ITGA8: variants seen among roughly 807,000 people sequenced by gnomAD.
ITGA8 encodes the protein integrin subunit alpha 8.
In ITGA8, 91 loss-of-function variants were observed where a neutral mutation model predicts 142.3. That is an observed-to-expected ratio of 0.64 (90% CI 0.54 to 0.76). The LOEUF is 0.76. Ranked by LOEUF, ITGA8 falls within the 30% of genes least tolerant of loss-of-function variation. ITGA8 has a pLI of 0.00. For synonymous variants in ITGA8, 505 were observed against 485.2 expected, an observed-to-expected ratio of 1.04 and a Z score of -0.54; for missense variants, 1,406 against 1,327.7, an observed-to-expected ratio of 1.06 and a Z score of -0.92.
rs1564389115 is a variant in ITGA8, at chr10:15,644,492, AGAAT to A, written c.1208-275_1208-272del. 2.4e-3 allele frequency among the ~76,000 whole-genome samples: 22 copies of A among 9,060 alleles called. 1 individual carries two copies. Among genetic ancestry groups the A allele is most frequent in the South Asian group, 0.01 (1 of 98 alleles). 5.9% of individuals were successfully genotyped at this position (9,060 alleles called of 152,430 possible). A position where few individuals can be genotyped will look rare whatever the true frequency, so the allele number is the denominator to read the frequency against. ...TATATATATATATATATATATATAT[AGAAT>A]TTTTTTTTTTTTTTGAGCAATGGGT... On this transcript the variant is annotated intron_variant, in intron 12 of 29. Transcript: ENST00000378076.
chr10:15,533,374 C>T (rs1179542537), intron 27 of ITGA8, among the ~76,000 whole-genome samples: 1 of 152,114 alleles, frequency 6.6e-6, no homozygotes, highest in Non-Finnish European at 1.5e-5. Flanking sequence ...TTAGCATTTC[C>T]ATTTTAACTA....
rs1833194308 is a variant in ITGA8 at position 15,606,306 on chromosome 10, T to C, written c.1881A>G (p.Arg627=). The C allele has an allele frequency of 1.9e-6, 3 of 1,609,856 alleles. No individual in the cohort carries two copies. The African/African-American group carries it at 4.0e-5, about 21-fold the overall frequency. Residue 627 remains arginine (R), a synonymous_variant, in exon 18 of 30, where the codon AGA becomes AGG. Transcript: ENST00000378076. ...TTACCTGTTCACTAACAATGTTTTC[T>C]CTGTAGTAGTTCAATATTGGTTTCA... is the stretch of plus-strand genomic sequence containing the variant. ...LEVKPILNYY[R]ENIVSEQAHI... is the part of the protein sequence containing the mutation.
intron 28 of ITGA8, among the ~76,000 whole-genome samples, chr10:15,526,605 T>C (rs1564336111): frequency 6.6e-6 from 1 of 152,228 alleles, no homozygotes; most frequent in Non-Finnish European, 1.5e-5. Flanking sequence ...AGAAGTTTCA[T>C]GTTGAGTAAC....
chr10:15,575,933 G>C (rs998995587), intron 23 of ITGA8, among the ~76,000 whole-genome samples: 2 of 139,670 alleles, frequency 1.4e-5, no homozygotes, highest in African/African-American at 5.3e-5. Context: ...TATTTCACAT[G>C]TGAGAACGTG....
chr10:15,614,177 G>T (rs1441277855), intron 14 of ITGA8, among the ~76,000 whole-genome samples: 2 of 152,234 alleles, frequency 1.3e-5, no homozygotes, highest in Non-Finnish European at 2.9e-5. Context: ...CTTGAAGTTT[G>T]CAACTTTTCA....
chr10:15,658,834 T>A (rs147231248), intron 10 of ITGA8, among the ~76,000 whole-genome samples, 165 bp downstream of exon 10: 85 of 152,154 alleles, frequency 5.6e-4, no homozygotes, highest in African/African-American at 1.9e-3. Context: ...CTGGATGGGA[T>A]CTGTCTGTCT....
intron 12 of ITGA8, 143 bp downstream of exon 12, chr10:15,646,703 C>T (rs1013318245): frequency 1.7e-6 from 1 of 590,038 alleles, no homozygotes; most frequent in Non-Finnish European, 3.0e-6. Context: ...GTAAAGCTGC[C>T]TTGAGATTTG....
At chr10:15,645,762 C>A (rs954983116) in intron 12 of ITGA8, among the ~76,000 whole-genome samples, 122 of 152,100 alleles carry the variant, frequency 8.0e-4, no homozygotes, top group African/African-American at 2.8e-3. Context: ...AACTAAAGAA[C>A]CTGAAGTGCA....
chr10:15,596,267 T>C (rs1490339127), intron 21 of ITGA8, among the ~76,000 whole-genome samples: 2 of 152,204 alleles, frequency 1.3e-5, no homozygotes, highest in Non-Finnish European at 2.9e-5. Context: ...GGATAGAACA[T>C]GGGCTTTGCT....
chr10:15,689,777 C>A (rs969285296), intron 2 of ITGA8, among the ~76,000 whole-genome samples: 4 of 152,218 alleles, frequency 2.6e-5, no homozygotes, highest in Non-Finnish European at 5.9e-5. Context: ...GTGCACCAAT[C>A]CCCAGCCAAC....
intron 10 of ITGA8, among the ~76,000 whole-genome samples, chr10:15,657,927 T>A (rs9787610): frequency 6.6e-6 from 1 of 152,126 alleles, no homozygotes; most frequent in Non-Finnish European, 1.5e-5. Context: ...GAAATAGAGA[T>A]GCAATAGTTT....
At position 15,718,776 on chromosome 10, in the gene ITGA8, A is replaced by C. The variant is rs1225874386; in HGVS notation, c.333T>G (p.Phe111Leu). The change falls in exon 2 of 30, where the codon TTT becomes TTG. Residue 111 changes from phenylalanine to leucine, a missense_variant. Transcript: ENST00000378076. ...EGSAQCRQIP[F>L]DTTNNRKIRV... ...ACAAATCTCACTTACTGGTGGTGTCAAACGGTATCTGCCTGCACTGCGCAG... is the reference window on the plus strand; with the variant it reads ...ACAAATCTCACTTACTGGTGGTGTCCAACGGTATCTGCCTGCACTGCGCAG... 1 of 1,613,922 alleles carries C rather than the reference A, an allele frequency of 6.2e-7. No homozygotes were observed. The highest frequency in any genetic ancestry group is 8.5e-7 in the Non-Finnish European group (1 of 1,179,944).
intron 20 of ITGA8, among the ~76,000 whole-genome samples, chr10:15,602,843 A>AGCT (rs1176999061): frequency 9.2e-5 from 14 of 152,326 alleles, no homozygotes; most frequent in African/African-American, 3.4e-4. Flanking sequence ...GGGAAATGAA[A>AGCT]GCTGAGTGGA....
intron 26 of ITGA8, among the ~76,000 whole-genome samples, chr10:15,556,136 C>G (rs1833886059): frequency 6.8e-6 from 1 of 146,886 alleles, no homozygotes; most frequent in Non-Finnish European, 1.5e-5. Flanking sequence ...AAGCGATTCT[C>G]CTGCCTCAGT....
At chr10:15,649,758 A>G (rs1462619425) in intron 11 of ITGA8, among the ~76,000 whole-genome samples, 1 of 152,210 alleles carries the variant, frequency 6.6e-6, no homozygotes, top group Non-Finnish European at 1.5e-5. Flanking sequence ...ATACCACTAC[A>G]CATCTCTTAG....
intron 25 of ITGA8, among the ~76,000 whole-genome samples, chr10:15,563,652 C>T (rs1045987034): frequency 2.0e-5 from 3 of 152,150 alleles, no homozygotes; most frequent in Admixed American, 1.3e-4. Flanking sequence ...CGGTGGCTCA[C>T]GCCGGTAATC....
At chr10:15,636,103 T>G (rs1016276558) in intron 13 of ITGA8, among the ~76,000 whole-genome samples, 6 of 152,208 alleles carry the variant, frequency 3.9e-5, no homozygotes, top group African/African-American at 1.4e-4. Context: ...CAGTTTTTCT[T>G]GCCTGTAGGA....
At position 15,671,536 on chromosome 10, in the gene ITGA8, A is replaced by G. The variant is rs1350154995; in HGVS notation, c.847+67T>C. ...AAATAAAATCACATTGATAGAAAAA[A>G]CTTTATATGCCATTTTACCATTTCC... On this transcript the variant is annotated intron_variant, in intron 8 of 29. Transcript: ENST00000378076. 15 of 1,322,910 alleles carry G rather than the reference A, an allele frequency of 1.1e-5. No individual in the cohort carries two copies. The South Asian group carries it at 1.7e-4, about 15-fold the overall frequency. 81.9% of individuals were successfully genotyped at this position (1,322,910 alleles called of 1,614,324 possible).
Position 15,654,870 on chromosome 10 carries a change from C to T in ITGA8, c.1001+484G>A, listed in dbSNP as rs1234194462. ...TTTTGAAGTAATGACTTAAGCACAA[C>T]CAAAATTCACCGTGCTGTTTGGTCC... On this transcript the variant is annotated intron_variant, in intron 11 of 29. Transcript: ENST00000378076. Among the ~76,000 whole-genome samples, 2 of 152,176 alleles carry T rather than the reference C, an allele frequency of 1.3e-5. 1 individual carries two copies. Among genetic ancestry groups the T allele is most frequent in the South Asian group, 4.1e-4 (2 of 4,836 alleles).
Sources: allele counts gnomAD v4.1 joint callset (sites outside exome capture counted in the v4.1 genomes callset), GRCh38; gene constraint gnomAD v4.1.1; transcripts MANE v1.5; gene names NCBI Gene and HGNC (gene_info 2026-07-23, HGNC 2026-07-21).